LGALS8: variants seen among roughly 807,000 people sequenced by gnomAD.
The protein encoded by LGALS8 is galectin 8.
A neutral mutation model predicts 35.9 loss-of-function variants in LGALS8; 30 were observed. That is an observed-to-expected ratio of 0.83 (90% CI 0.62 to 1.13). The LOEUF (loss-of-function observed/expected upper bound fraction) is 1.13, where lower values mean the gene tolerates loss of function less well. LGALS8 is among the 50% of genes most tolerant of loss of function. The pLI is 0.00. For synonymous variants in LGALS8, 138 were observed against 136.1 expected (o/e 1.01, Z -0.10); for missense variants, 366 against 388.7 (o/e 0.94, Z 0.49).
rs1662493981 is a variant in LGALS8, at chr1:236,547,924, A to G, written c.805-88A>G. On this transcript the variant is annotated intron_variant, in intron 9 of 9. Transcript: ENST00000366584. ...CTGGAACTTTTCTATGTATAATCAA[A>G]TGGTTTACTCTGACACCGTTAGCAT... The G allele has an allele frequency of 5.2e-6, 6 of 1,161,360 alleles. No individual in the cohort carries two copies. In the East Asian group the frequency reaches 1.2e-4, roughly 23 times the overall value. 71.9% of individuals were successfully genotyped at this position (1,161,360 alleles called of 1,614,324 possible). A position where few individuals can be genotyped will look rare whatever the true frequency, so the allele number is the denominator to read the frequency against.
chr1:236,527,041 G>C (rs1467460199), intron 2 of LGALS8, among the ~76,000 whole-genome samples: 2 of 152,180 alleles, frequency 1.3e-5, no homozygotes, highest in African/African-American at 4.8e-5. Context: ...GCGGAAGCTT[G>C]TGAGACATTT....
intron 1 of LGALS8, among the ~76,000 whole-genome samples, chr1:236,525,135 C>T (rs987198142): frequency 2.0e-5 from 3 of 152,102 alleles, no homozygotes; most frequent in African/African-American, 4.8e-5. Context: ...TTTTAAGCAA[C>T]AGAGAAAACC....
In LGALS8 at chr1:236,537,577, C is replaced by G; in HGVS notation, c.126C>G (p.Asp42Glu). 1.3e-6 allele frequency: 2 copies of G among 1,597,762 alleles called. No individual in the cohort carries two copies. The highest frequency in any genetic ancestry group is 1.7e-6 in the Non-Finnish European group (2 of 1,164,846). ...LIVIRGHVPS[D>E]ADRFQVDLQN... ...TGATACGTGGGCATGTTCCTAGTGACGCAGACAGGTAAAATCACTGTGCTA... is the reference window on the plus strand; with the variant it reads ...TGATACGTGGGCATGTTCCTAGTGAGGCAGACAGGTAAAATCACTGTGCTA... The change falls in exon 3 of 10, where the codon GAC (aspartate) becomes GAG (glutamate). Residue 42 changes from aspartate (D) to glutamate (E), a missense_variant. Transcript: ENST00000366584.
chr1:236,528,394 A>AAAC (rs78867830), intron 2 of LGALS8, among the ~76,000 whole-genome samples: 2 of 145,794 alleles, frequency 1.4e-5, no homozygotes, highest in Non-Finnish European at 3.0e-5. Context: ...AAAAAAAAAA[A>AAAC]CCCCCCCACA....
intron 9 of LGALS8, among the ~76,000 whole-genome samples, chr1:236,546,448 T>C (rs1572020996): frequency 1.3e-5 from 2 of 152,250 alleles, no homozygotes; most frequent in African/African-American, 2.4e-5. Flanking sequence ...CTTCTTGCTC[T>C]TTCAAATACA....
rs950206727 is a variant in LGALS8, at chr1:236,550,780, T to A, written c.*2619T>A. On this transcript the variant is annotated 3_prime_UTR_variant, in exon 10 of 10. Coordinates refer to ENST00000366584, the MANE Select transcript of LGALS8 (RefSeq NM_201544.4). ...ATTTTGTAAAGAAGTGATAAAACAT[T>A]TGTAAGTAATCCAAGTAGGTGTATT... The A allele has an allele frequency of 4.2e-6, 3 of 710,700 alleles. No individual in the cohort carries two copies. The highest frequency in any genetic ancestry group is 7.0e-6 in the Non-Finnish European group (3 of 429,034). The allele number at this position is 710,700 out of a possible 1,614,324, so 44.0% of individuals were successfully genotyped here.
chr1:236,527,120 TAAC>T (rs3834090), intron 2 of LGALS8, among the ~76,000 whole-genome samples: 49 of 151,488 alleles, frequency 3.2e-4, no homozygotes, highest in African/African-American at 1.0e-3. Context: ...GCAAAGATCT[TAAC>T]AACAACAACA....
intron 2 of LGALS8, chr1:236,536,076 G>C (rs1661479038): frequency 6.6e-6 from 1 of 152,240 alleles, no homozygotes; most frequent in South Asian, 2.1e-4. Context: ...CCTCTGAGAG[G>C]GGCTGACTCA....
Position 236,548,449 on chromosome 1 carries a change from ACC to A in LGALS8, c.*289_*290del. 1 of 420,076 alleles carries A rather than the reference ACC, an allele frequency of 2.4e-6. No homozygotes were observed. The highest frequency in any genetic ancestry group is 3.0e-5 in the South Asian group (1 of 33,400). 26.0% of individuals were successfully genotyped at this position (420,076 alleles called of 1,614,324 possible). Reference sequence around the variant, plus strand: ...GCCATTCAACAAGTATTTATGGAGTACCTACTATAATACAGTAGCTAACATGT... The same window carrying A: ...GCCATTCAACAAGTATTTATGGAGTATACTATAATACAGTAGCTAACATGT... On this transcript the variant is annotated 3_prime_UTR_variant, in exon 10 of 10. Coordinates refer to ENST00000366584, the MANE Select transcript of LGALS8 (RefSeq NM_201544.4).
In LGALS8 at chr1:236,552,189, GCT is replaced by G. The variant is rs1662779955; in HGVS notation, c.*4031_*4032del. 4.5e-6 allele frequency: 4 copies of G among 880,470 alleles called. No individual in the cohort carries two copies. The Admixed American group carries it at 8.9e-5, about 20-fold the overall frequency. 54.5% of individuals were successfully genotyped at this position (880,470 alleles called of 1,614,324 possible). A position where few individuals can be genotyped will look rare whatever the true frequency, so the allele number is the denominator to read the frequency against. On this transcript the variant is annotated 3_prime_UTR_variant, in exon 10 of 10. Transcript: ENST00000366584. ...TAAGAGCTGTACTGACTTGAGACAA[GCT>G]CTAACTTTTTAAACATTAGTTCACA...
Position 236,549,390 on chromosome 1 carries a change from GA to G in LGALS8, c.*1235del, listed in dbSNP as rs929688246. ...TTTCAAAGGTTTGGGAGTGGGGAGGGAAAAAAGCTCAGTCAGTGAGGATCAT... is the reference window on the plus strand; with the variant it reads ...TTTCAAAGGTTTGGGAGTGGGGAGGGAAAAAGCTCAGTCAGTGAGGATCAT... On this transcript the variant is annotated 3_prime_UTR_variant, in exon 10 of 10. Transcript: ENST00000366584. 6.1e-6 allele frequency: 1 copy of G among 165,002 alleles called. No individual in the cohort carries two copies. The highest frequency in any genetic ancestry group is 1.3e-5 in the Non-Finnish European group (1 of 76,748). 10.2% of individuals were successfully genotyped at this position (165,002 alleles called of 1,614,324 possible). A position where few individuals can be genotyped will look rare whatever the true frequency, so the allele number is the denominator to read the frequency against.
At chr1:236,530,292 C>A (rs1661075801) in intron 2 of LGALS8, among the ~76,000 whole-genome samples, 1 of 152,146 alleles carries the variant, frequency 6.6e-6, no homozygotes, top group Admixed American at 6.5e-5. Context: ...ACAATTTAGT[C>A]TTAAAACACA....
intron 1 of LGALS8, chr1:236,518,338 TG>T (rs1341852446): frequency 6.6e-6 from 1 of 152,088 alleles, no homozygotes; most frequent in Non-Finnish European, 1.5e-5. Flanking sequence ...AAAAAGAGTT[TG>T]GTGCTCATGG....
Position 236,549,481 on chromosome 1 carries a change from G to A in LGALS8, c.*1320G>A, listed in dbSNP as rs1662612500. ...AGGAATATTTTCAGAACAGATTTTA[G>A]ATATTATTTCTATCCATATATTGAA... On this transcript the variant is annotated 3_prime_UTR_variant, in exon 10 of 10. Coordinates refer to ENST00000366584, the MANE Select transcript of LGALS8 (RefSeq NM_201544.4). The A allele has an allele frequency of 6.5e-6, 1 of 152,672 alleles. No homozygotes were observed. Among genetic ancestry groups the A allele is most frequent in the African/African-American group, 2.4e-5 (1 of 41,478 alleles). 9.5% of individuals were successfully genotyped at this position (152,672 alleles called of 1,614,324 possible). A position where few individuals can be genotyped will look rare whatever the true frequency, so the allele number is the denominator to read the frequency against.
rs543962095 is a variant in LGALS8, at chr1:236,534,652, GTAGAAGGCA to G, written c.46-2843_46-2835del. On this transcript the variant is annotated intron_variant, in intron 2 of 9. Coordinates refer to ENST00000366584, the MANE Select transcript of LGALS8 (RefSeq NM_201544.4). ...GAAGTAATGCAGGATCTTTTCTGAA[GTAGAAGGCA>G]TGATGAACCCAGAAAACTAAAGCAG... 6.8e-4 allele frequency among the ~76,000 whole-genome samples: 103 copies of G among 151,796 alleles called. 1 individual carries two copies. Among genetic ancestry groups the G allele is most frequent in the Admixed American group, 4.7e-3 (72 of 15,222 alleles).
chr1:236,521,328 C>G (rs1231206773), upstream of LGALS8, among the ~76,000 whole-genome samples: 2 of 151,936 alleles, frequency 1.3e-5, no homozygotes. Flanking sequence ...TTTGAGTAGA[C>G]TTGAAAAGGG....
At position 236,549,279 on chromosome 1, in the gene LGALS8, T is replaced by C. The variant is rs1234466703; in HGVS notation, c.*1118T>C. ...GTATCAGCAAGTTAAATGGTTCCATTTCTGTGATTTTTCTATTATTTGAGG... is the reference window on the plus strand; with the variant it reads ...GTATCAGCAAGTTAAATGGTTCCATCTCTGTGATTTTTCTATTATTTGAGG... On this transcript the variant is annotated 3_prime_UTR_variant, in exon 10 of 10. Transcript: ENST00000366584. The C allele has an allele frequency of 1.1e-5, 3 of 283,706 alleles. No homozygotes were observed. The highest frequency in any genetic ancestry group is 2.0e-5 in the Non-Finnish European group (3 of 153,786). The allele number at this position is 283,706 out of a possible 1,614,324, so 17.6% of individuals were successfully genotyped here.
rs1662559739 is a variant in LGALS8 at position 236,548,621 on chromosome 1, A to G, written c.*460A>G. ...CTGCTTTTTCTACAGGCATTACATC[A>G]ACTCCTAAGGGGTCCTCTGGGATTA... On this transcript the variant is annotated 3_prime_UTR_variant, in exon 10 of 10. Transcript: ENST00000366584. The G allele has an allele frequency of 3.4e-6, 1 of 298,148 alleles. No individual in the cohort carries two copies. The highest frequency in any genetic ancestry group is 6.1e-6 in the Non-Finnish European group (1 of 162,910). The allele number at this position is 298,148 out of a possible 1,614,324, so 18.5% of individuals were successfully genotyped here.
intron 7 of LGALS8, chr1:236,543,325 C>T (rs558150602): frequency 1.2e-4 from 80 of 663,340 alleles, no homozygotes; most frequent in Non-Finnish European, 1.0e-4. Flanking sequence ...CAGAGGGCAT[C>T]GGGTCCCACC....
Sources: gnomAD v4.1 joint callset for allele counts (sites outside exome capture counted in the v4.1 genomes callset) on GRCh38, gnomAD v4.1.1 for gene constraint, MANE v1.5 for transcripts, NCBI Gene and HGNC (gene_info 2026-07-23, HGNC 2026-07-21) for gene names.